CDH13: variants seen among roughly 807,000 people sequenced by gnomAD.
CDH13 encodes the protein cadherin 13, also known as cadherin-13.
CDH13 carries 24 observed loss-of-function variants against 63.8 expected under a neutral mutation model. The observed-to-expected ratio is 0.38, with a 90% CI of 0.27 to 0.53. The LOEUF is 0.53. Ranked by LOEUF, CDH13 falls within the 20% of genes least tolerant of loss-of-function variation. CDH13 has a pLI of 0.85. For synonymous variants in CDH13, 503 were observed against 355.3 expected (o/e 1.42, Z -4.67); for missense variants, 1,049 against 903.1 (o/e 1.16, Z -2.07).
At chr16:82,856,385 AAAAAG>A (rs67180729) in intron 1 of CDH13, among the ~76,000 whole-genome samples, 41,475 of 94,284 alleles carry the variant, frequency 0.44, 7,437 homozygotes, top group Non-Finnish European at 0.53. Flanking sequence ...AAAAAAAAAA[AAAAAG>A]AAAAGAAAAG....
intron 2 of CDH13, among the ~76,000 whole-genome samples, chr16:82,906,104 A>G (rs1019863767): frequency 4.6e-5 from 7 of 152,164 alleles, no homozygotes; most frequent in East Asian, 1.9e-4. Flanking sequence ...CTGTACATCT[A>G]TCTCTCTAGA....
intron 1 of CDH13, among the ~76,000 whole-genome samples, chr16:82,749,981 T>G (rs2034342428): frequency 6.6e-6 from 1 of 152,128 alleles, no homozygotes; most frequent in Non-Finnish European, 1.5e-5. Flanking sequence ...TTAGGCATTA[T>G]GGGGAGGGTA....
chr16:82,881,881 C>T (rs1316836499), intron 2 of CDH13, among the ~76,000 whole-genome samples: 1 of 152,180 alleles, frequency 6.6e-6, no homozygotes, highest in Admixed American at 6.5e-5. Flanking sequence ...CTTTTTGAGG[C>T]TGGCACCACC....
chr16:83,015,735 C>A lies in CDH13; in HGVS notation c.158-16275C>A, dbSNP rs117366951. Among the ~76,000 whole-genome samples the A allele has an allele frequency of 1.1e-4, 10 of 91,110 alleles. No individual in the cohort carries two copies. The East Asian group carries it at 4.0e-3, about 37-fold the overall frequency. The allele number at this position is 91,110 out of a possible 152,430, so 59.8% of individuals were successfully genotyped here. ...TATATATATATATAAAGAAAAAGCA[C>A]GAGCAATAAATCTCAGGAACCTTAG... On this transcript the variant is annotated intron_variant, in intron 2 of 13. Coordinates refer to ENST00000567109, the MANE Select transcript of CDH13 (RefSeq NM_001257.5).
At chr16:83,385,874 G>A (rs753594459) in intron 6 of CDH13, among the ~76,000 whole-genome samples, 1 of 152,154 alleles carries the variant, frequency 6.6e-6, no homozygotes, top group Non-Finnish European at 1.5e-5. Flanking sequence ...TGTACTGACT[G>A]CTCTCTCACC....
At chr16:83,331,956 C>G (rs1332387084) in intron 5 of CDH13, among the ~76,000 whole-genome samples, 1 of 152,052 alleles carries the variant, frequency 6.6e-6, no homozygotes, top group Non-Finnish European at 1.5e-5. Flanking sequence ...ACGCACATAT[C>G]AGGCTAAATT....
At chr16:82,682,019 G>A (rs1914603292) in intron 1 of CDH13, among the ~76,000 whole-genome samples, 1 of 152,176 alleles carries the variant, frequency 6.6e-6, no homozygotes, top group South Asian at 2.1e-4. Context: ...AAATCAGGTG[G>A]GGCTCTCAAG....
chr16:83,033,648 G>A (rs747262109), intron 3 of CDH13, among the ~76,000 whole-genome samples: 1 of 152,106 alleles, frequency 6.6e-6, no homozygotes, highest in South Asian at 2.1e-4. Flanking sequence ...GCAGATCCCT[G>A]CACTCCCACA....
At chr16:82,849,112 G>A (rs911557521) in intron 1 of CDH13, among the ~76,000 whole-genome samples, 13 of 152,186 alleles carry the variant, frequency 8.5e-5, no homozygotes, top group Non-Finnish European at 1.5e-4. Context: ...TCAATTTTCT[G>A]AAGGCTGAGA....
intron 1 of CDH13, among the ~76,000 whole-genome samples, chr16:82,818,476 A>G (rs2037834692): frequency 6.6e-6 from 1 of 152,178 alleles, no homozygotes. Flanking sequence ...TAAAGTGATA[A>G]TTTCCATAAA....
At chr16:83,547,300 T>A (rs2075403687) in intron 7 of CDH13, among the ~76,000 whole-genome samples, 1 of 152,256 alleles carries the variant, frequency 6.6e-6, no homozygotes, top group African/African-American at 2.4e-5. Context: ...TGTTGTTGTT[T>A]AATCTATTTT....
intron 6 of CDH13, among the ~76,000 whole-genome samples, chr16:83,364,259 C>T (rs911272175): frequency 2.0e-5 from 3 of 152,100 alleles, no homozygotes; most frequent in African/African-American, 7.2e-5. Context: ...GCCTGTGGAT[C>T]TACCCAGAAC....
intron 2 of CDH13, among the ~76,000 whole-genome samples, chr16:83,001,822 T>C (rs190542881): frequency 6.2e-4 from 95 of 152,318 alleles, no homozygotes; most frequent in African/African-American, 2.2e-3. Context: ...AGAAGATCAC[T>C]TTTGACTGCT....
At chr16:83,761,471 C>T (rs1041231827) in intron 11 of CDH13, among the ~76,000 whole-genome samples, 1 of 152,158 alleles carries the variant, frequency 6.6e-6, no homozygotes, top group East Asian at 1.9e-4. Flanking sequence ...GACTCCAGCG[C>T]AGGCATGTAG....
chr16:82,804,926 T>C (rs2037070280), intron 1 of CDH13, among the ~76,000 whole-genome samples: 1 of 152,218 alleles, frequency 6.6e-6, no homozygotes, highest in African/African-American at 2.4e-5. Context: ...AATTCATATT[T>C]TCATCCCTAT....
intron 8 of CDH13, among the ~76,000 whole-genome samples, chr16:83,665,380 T>C (rs1354520609): frequency 2.0e-5 from 3 of 152,226 alleles, no homozygotes; most frequent in African/African-American, 7.2e-5. Flanking sequence ...GTTATACATA[T>C]GCCAGGCTAT....
Position 83,504,197 on chromosome 16 carries a change from G to A in CDH13, c.960+17542G>A, listed in dbSNP as rs184032894. ...TGCCAAGGGTAAGGCTTGGTGAGTG[G>A]AACAGGCTGGATTTTAATCCTCAGG... On this transcript the variant is annotated intron_variant, in intron 7 of 13. Transcript: ENST00000567109. 3.0e-4 allele frequency among the ~76,000 whole-genome samples: 46 copies of A among 152,244 alleles called. No homozygotes were observed. In the East Asian group the frequency reaches 8.9e-3, roughly 29 times the overall value.
At chr16:82,963,679 C>T (rs1907377494) in intron 2 of CDH13, among the ~76,000 whole-genome samples, 1 of 152,190 alleles carries the variant, frequency 6.6e-6, no homozygotes, top group Non-Finnish European at 1.5e-5. Context: ...CGTATTTCCC[C>T]CCTAAATCCT....
At chr16:82,755,610 A>G (rs1025786662) in intron 1 of CDH13, among the ~76,000 whole-genome samples, 1 of 152,116 alleles carries the variant, frequency 6.6e-6, no homozygotes, top group African/African-American at 2.4e-5. Flanking sequence ...TCATCTGTTC[A>G]TTTATTCAGT....
Sources: allele counts gnomAD v4.1 joint callset (sites outside exome capture counted in the v4.1 genomes callset), GRCh38; gene constraint gnomAD v4.1.1; transcripts MANE v1.5; gene names NCBI Gene and HGNC (gene_info 2026-07-23, HGNC 2026-07-21).